The following PAK6 variants were observed in gnomAD, a reference collection of about 807,000 sequenced individuals.
The protein encoded by PAK6 is serine/threonine-protein kinase PAK 6.
PAK6 carries 33 observed loss-of-function variants against 60.8 expected under a neutral mutation model. That is an observed-to-expected ratio of 0.54 (90% CI 0.41 to 0.73). The LOEUF (loss-of-function observed/expected upper bound fraction) is 0.73, where lower values mean the gene tolerates loss of function less well. Among genes scored for constraint, PAK6 ranks in the 30% least tolerant of loss-of-function variants. The probability of loss-of-function intolerance (pLI) is 0.00; values close to 1 mark genes in which losing one functional copy is unlikely to be tolerated. For missense variants in PAK6, 845 were observed against 904.1 expected (o/e 0.93, Z 0.84); for synonymous variants, 404 against 378.5 (o/e 1.07, Z -0.78).
chr15:40,242,881 C>T (rs1418013979), intron 2 of PAK6, among the ~76,000 whole-genome samples: 1 of 152,196 alleles, frequency 6.6e-6, no homozygotes. Flanking sequence ...CATGGCCTGA[C>T]TACTAGGTGC....
chr15:40,273,970 C>T, intron 9 of PAK6, 172 bp from the exon 10 acceptor site: 2 of 765,140 alleles, frequency 2.6e-6, no homozygotes. Context: ...AGGCAGTGGT[C>T]ACTCATGCAG....
intron 3 of PAK6, chr15:40,263,992 G>A (rs1025715861): frequency 1.1e-5 from 5 of 455,398 alleles, no homozygotes; most frequent in Non-Finnish European, 1.3e-5. Flanking sequence ...TGCCTTCTCT[G>A]GAGAGCTTTA....
chr15:40,267,382 G>A (rs1377346327), intron 5 of PAK6, among the ~76,000 whole-genome samples: 6 of 152,222 alleles, frequency 3.9e-5, no homozygotes, highest in Admixed American at 2.6e-4. Flanking sequence ...GGGCGGCCGC[G>A]CGTGGTGGCT....
rs185943521 is a variant in PAK6 at position 40,267,531 on chromosome 15, C to T, written c.858+1036C>T. On this transcript the variant is annotated intron_variant, in intron 5 of 10. Coordinates refer to ENST00000560346, the Ensembl canonical transcript of PAK6. The stretch of plus-strand genomic sequence containing the variant: ...AAAATTAGCCGGGCGCGGTGGCGGG[C>T]GCCTGTAGTCCAAGCTACTCAGGAG... Among the ~76,000 whole-genome samples, 11 of 152,270 alleles carry T rather than the reference C, an allele frequency of 7.2e-5. No individual in the cohort carries two copies. In the South Asian group the frequency reaches 1.5e-3, roughly 20 times the overall value.
chr15:40,264,388 A>C (rs1320356452), intron 3 of PAK6: 1 of 462,044 alleles, frequency 2.2e-6, no homozygotes, highest in African/African-American at 2.0e-5. Flanking sequence ...TCGTTTCATA[A>C]AACAAGCTTG....
intron 2 of PAK6, chr15:40,252,079 C>T: frequency 7.2e-6 from 2 of 278,550 alleles, no homozygotes; most frequent in Non-Finnish European, 1.4e-5. Context: ...TTCCTGCCTG[C>T]GCAAGGGGCT....
intron 10 of PAK6, 33 bp from the exon 11 acceptor site, chr15:40,275,894 T>C (rs1331850539): frequency 4.4e-6 from 7 of 1,581,976 alleles, no homozygotes; most frequent in East Asian, 2.3e-5. Flanking sequence ...TGACTGCAAA[T>C]TGTGGCTTCA....
chr15:40,273,014 G>C lies in PAK6; in HGVS notation c.1490+15G>C. On this transcript the variant is annotated intron_variant, in intron 7 of 10. Coordinates refer to ENST00000560346, the Ensembl canonical transcript of PAK6. ...TCCCAAGTCAGGTGGGCAGCTGGGA[G>C]GGCTGGACCCTGAGTGCAGGCTGCC... 3.7e-6 allele frequency: 6 copies of C among 1,612,702 alleles called. No homozygotes were observed. The highest frequency in any genetic ancestry group is 3.4e-6 in the Non-Finnish European group (4 of 1,179,542).
intron 1 of PAK6, 182 bp from the exon 2 acceptor site, chr15:40,240,417 C>G (rs1326294938): frequency 2.0e-5 from 7 of 346,294 alleles, no homozygotes; most frequent in Non-Finnish European, 4.0e-5. Context: ...GGTCCCTTCT[C>G]CCCCACACAG....
intron 3 of PAK6, among the ~76,000 whole-genome samples, chr15:40,261,148 A>G (rs2038974766): frequency 6.7e-6 from 1 of 150,248 alleles, no homozygotes; most frequent in South Asian, 2.2e-4. Flanking sequence ...TCGGCCTCCC[A>G]AAGTGCTGGG....
At chr15:40,265,964 G>A (rs1249289904) in exon 5 of PAK6, 1 of 1,605,180 alleles carries the variant, frequency 6.2e-7, no homozygotes. Flanking sequence ...CCAGCCGGCG[G>A]CGGGCACAGT....
chr15:40,266,362 G>A, exon 5 of PAK6: 1 of 1,612,856 alleles, frequency 6.2e-7, no homozygotes, highest in Non-Finnish European at 8.5e-7. Flanking sequence ...GGCAGGCCAG[G>A]TGGGGAAGGC....
intron 3 of PAK6, among the ~76,000 whole-genome samples, chr15:40,253,766 C>T (rs2038757604): frequency 6.6e-6 from 1 of 152,224 alleles, no homozygotes; most frequent in Non-Finnish European, 1.5e-5. Context: ...CCCCAGATCT[C>T]CAGACCTGCT....
chr15:40,264,132 C>T (rs2039055202), intron 3 of PAK6, among the ~76,000 whole-genome samples: 2 of 152,128 alleles, frequency 1.3e-5, no homozygotes, highest in South Asian at 4.1e-4. Context: ...TAGTCCCACA[C>T]CGGGCAGCAT....
At chr15:40,274,346 GCTCCCAGCAT>G (rs1191632947) in intron 10 of PAK6, 70 bp downstream of exon 10, 4 of 1,475,978 alleles carry the variant, frequency 2.7e-6, no homozygotes, top group Non-Finnish European at 3.6e-6. Context: ...CAGAACCTGG[GCTCCCAGCAT>G]CTCCCTTCCA....
intron 2 of PAK6, among the ~76,000 whole-genome samples, chr15:40,249,381 C>T (rs950487572): frequency 2.6e-5 from 4 of 152,164 alleles, no homozygotes; most frequent in African/African-American, 7.2e-5. Context: ...TTAACCACTC[C>T]GAGCCTCAGT....
Position 40,239,565 on chromosome 15 carries a change from G to A in PAK6, c.-438G>A, listed in dbSNP as rs1200943536. The A allele has an allele frequency of 6.6e-6, 1 of 152,528 alleles. No individual in the cohort carries two copies. The highest frequency in any genetic ancestry group is 1.5e-5 in the Non-Finnish European group (1 of 68,304). 9.4% of individuals were successfully genotyped at this position (152,528 alleles called of 1,614,324 possible). Reference sequence around the variant, plus strand: ...ATGGAAGACGCTGTGGGGGCCAGAAGTGCCCGGGGGGCTGTGGCAGCAGGC... The same window carrying A: ...ATGGAAGACGCTGTGGGGGCCAGAAATGCCCGGGGGGCTGTGGCAGCAGGC... On this transcript the variant is annotated 5_prime_UTR_variant, in exon 1 of 11. The change creates a new upstream start codon in the 5' untranslated region. Coordinates refer to ENST00000560346, the Ensembl canonical transcript of PAK6.
intron 7 of PAK6, among the ~76,000 whole-genome samples, 168 bp downstream of exon 7, chr15:40,273,167 A>G (rs888315205): frequency 1.3e-5 from 2 of 152,132 alleles, no homozygotes; most frequent in Non-Finnish European, 2.9e-5. Flanking sequence ...AGAGAAGGAT[A>G]GCTTCTAGCC....
At chr15:40,273,322 G>A (rs767455941) in intron 7 of PAK6, 24 bp from the exon 8 acceptor site, 13 of 1,610,028 alleles carry the variant, frequency 8.1e-6, no homozygotes, top group East Asian at 2.2e-5. Context: ...CTCTTTCATC[G>A]GGTGGCCCCA....
Sources: gnomAD v4.1 joint callset for allele counts (sites outside exome capture counted in the v4.1 genomes callset) on GRCh38, gnomAD v4.1.1 for gene constraint, MANE v1.5 for transcripts, NCBI Gene and HGNC (gene_info 2026-07-23, HGNC 2026-07-21) for gene names.